The following RYR2 variants were observed in gnomAD, a reference collection of about 807,000 sequenced individuals.
RYR2 encodes ryanodine receptor 2.
In RYR2, 227 loss-of-function variants were observed where a neutral mutation model predicts 601.1. The ratio of observed to expected loss-of-function variants is 0.38; its 90% CI spans 0.34 to 0.42. The LOEUF (loss-of-function observed/expected upper bound fraction) is 0.42, where lower values mean the gene tolerates loss of function less well. Ranked by LOEUF, RYR2 falls within the 10% of genes least tolerant of loss-of-function variation. The pLI, the probability that RYR2 is intolerant of heterozygous loss-of-function variation, is 1.00. For synonymous variants in RYR2, 2,223 were observed against 2,175.1 expected (o/e 1.02, Z -0.61); for missense variants, 4,646 against 6,156.5 (o/e 0.75, Z 8.21).
chr1:237,685,035 A>G (rs1686258562), intron 62 of RYR2, among the ~76,000 whole-genome samples: 1 of 152,124 alleles, frequency 6.6e-6, no homozygotes, highest in Admixed American at 6.6e-5. Flanking sequence ...CAAAAAAGAA[A>G]AGGTTATTAT....
chr1:237,193,718 G>T (rs576086681), intron 1 of RYR2, among the ~76,000 whole-genome samples: 1 of 152,234 alleles, frequency 6.6e-6, no homozygotes, highest in Admixed American at 6.5e-5. Context: ...AAAAACTCTG[G>T]AAACGAGTTG....
chr1:237,172,947 C>A (rs1231463027), intron 1 of RYR2, among the ~76,000 whole-genome samples: 2 of 152,130 alleles, frequency 1.3e-5, no homozygotes, highest in African/African-American at 4.8e-5. Flanking sequence ...TATCGAATGA[C>A]AGAACTTGTT....
At chr1:237,331,651 T>C (rs933099774) in intron 3 of RYR2, among the ~76,000 whole-genome samples, 4 of 150,536 alleles carry the variant, frequency 2.7e-5, no homozygotes, top group Admixed American at 6.6e-5. Context: ...TACAGGCTCC[T>C]GCCACCACCA....
chr1:237,064,806 A>C (rs1663350403), intron 1 of RYR2, among the ~76,000 whole-genome samples: 1 of 133,192 alleles, frequency 7.5e-6, no homozygotes, highest in Non-Finnish European at 1.5e-5. Flanking sequence ...TTGATTGTGA[A>C]ATCTCAATTC....
intron 27 of RYR2, among the ~76,000 whole-genome samples, chr1:237,562,028 G>C (rs1671509323): frequency 6.6e-6 from 1 of 151,784 alleles, no homozygotes; most frequent in African/African-American, 2.4e-5. Flanking sequence ...AAAAGTCAAG[G>C]GCATAAAAAG....
intron 27 of RYR2, among the ~76,000 whole-genome samples, chr1:237,564,948 A>T (rs1035956152): frequency 1.8e-4 from 28 of 152,148 alleles, no homozygotes; most frequent in Non-Finnish European, 1.3e-4. Context: ...CTGTATGTTT[A>T]TTGGCAACCT....
intron 1 of RYR2, among the ~76,000 whole-genome samples, chr1:237,085,384 G>A (rs1666202893): frequency 6.6e-6 from 1 of 152,144 alleles, no homozygotes; most frequent in African/African-American, 2.4e-5. Flanking sequence ...CTTGTCTTTT[G>A]GAGTCCCTTC....
chr1:237,468,704 C>G (rs1660352442), intron 16 of RYR2, among the ~76,000 whole-genome samples: 1 of 151,984 alleles, frequency 6.6e-6, no homozygotes, highest in Non-Finnish European at 1.5e-5. Context: ...TCTTTTTATT[C>G]TATAGGTAAG....
intron 55 of RYR2, 143 bp downstream of exon 55, chr1:237,660,217 A>G: frequency 4.5e-6 from 2 of 439,724 alleles, no homozygotes; most frequent in Non-Finnish European, 7.6e-6. Flanking sequence ...TAAAAAAAAA[A>G]CCTTCTTATA....
intron 10 of RYR2, among the ~76,000 whole-genome samples, chr1:237,405,694 AG>A (rs763560745): frequency 3.3e-5 from 5 of 151,988 alleles, no homozygotes; most frequent in Non-Finnish European, 7.4e-5. Context: ...GAAGGATTTT[AG>A]GTCCTATTGA....
chr1:237,720,654 G>T (rs999884892), intron 73 of RYR2, among the ~76,000 whole-genome samples: 3 of 152,200 alleles, frequency 2.0e-5, no homozygotes, highest in Non-Finnish European at 4.4e-5. Context: ...GAGAAGATCA[G>T]GTACCCCATG....
rs574296183 is a variant in RYR2, at chr1:237,569,005, A to G, written c.3424-140A>G. On this transcript the variant is annotated intron_variant, in intron 28 of 104. Transcript: ENST00000366574. ...AGCTCCATTTTGCTTAGGACATTGC[A>G]GTAGACCGATATGCCAGCTGGAGTT... 1.3e-5 allele frequency: 8 copies of G among 606,202 alleles called. No homozygotes were observed. In the East Asian group the frequency reaches 1.4e-4, roughly 11 times the overall value. The allele number at this position is 606,202 out of a possible 1,614,324, so 37.6% of individuals were successfully genotyped here.
At chr1:237,565,175 CTTTCTTTCTTTCTTTCT>C (rs1671891762) in intron 27 of RYR2, among the ~76,000 whole-genome samples, 1 of 97,304 alleles carries the variant, frequency 1.0e-5, no homozygotes, top group Non-Finnish European at 2.2e-5. Context: ...TTCTTTCTTT[CTTTCTTTCTTTCTTTCT>C]TTCTTTCTTT....
intron 2 of RYR2, among the ~76,000 whole-genome samples, chr1:237,280,781 GT>G (rs35115328): frequency 2.2e-3 from 320 of 143,616 alleles, no homozygotes; most frequent in African/African-American, 5.3e-3. Flanking sequence ...CTTCTTACTG[GT>G]TTTTTTTTTT....
intron 58 of RYR2, among the ~76,000 whole-genome samples, chr1:237,671,530 T>C (rs1684939030): frequency 6.6e-6 from 1 of 151,638 alleles, no homozygotes; most frequent in Non-Finnish European, 1.5e-5. Flanking sequence ...CGTGTGTGTG[T>C]GTGTGTGTGC....
chr1:237,264,091 G>GCGCACACACA (rs1553370915), intron 1 of RYR2, among the ~76,000 whole-genome samples: 1 of 147,412 alleles, frequency 6.8e-6, no homozygotes, highest in Non-Finnish European at 1.5e-5. Context: ...ACATGCACAT[G>GCGCACACACA]CACACACACA....
At position 237,400,175 on chromosome 1, in the gene RYR2, CAA is replaced by C. The variant is rs986175860; in HGVS notation, c.773+11995_773+11996del. 1.2e-3 allele frequency among the ~76,000 whole-genome samples: 189 copies of C among 152,236 alleles called. 1 individual carries two copies. The highest frequency in any genetic ancestry group is 4.3e-3 in the African/African-American group (180 of 41,524). ...AACTCTTACTATAGAGGAAACTAGA[CAA>C]AATGTTCAAGGGATTTTTATTATTT... On this transcript the variant is annotated intron_variant, in intron 10 of 104. Transcript: ENST00000366574.
Position 237,411,176 on chromosome 1 carries a change from C to G in RYR2, c.774-5873C>G, listed in dbSNP as rs532870610. ...ACTACAGCCCTAGCTAACAACTTGA[C>G]TGCAACCTCACAAGAGACTCCAAGG... On this transcript the variant is annotated intron_variant, in intron 10 of 104. Coordinates refer to ENST00000366574, the MANE Select transcript of RYR2 (RefSeq NM_001035.3). 5.3e-5 allele frequency among the ~76,000 whole-genome samples: 8 copies of G among 152,300 alleles called. No homozygotes were observed. The South Asian group carries it at 1.7e-3, about 32-fold the overall frequency.
In RYR2 at chr1:237,059,406, G is replaced by C. The variant is rs374901900; in HGVS notation, c.48+16837G>C. On this transcript the variant is annotated intron_variant, in intron 1 of 104. Transcript: ENST00000366574. Reference sequence around the variant, plus strand: ...GAGATGAGTAATGACACCCTCTTTTGCTTGTTGTTCATACCACCAGGAGTC... The same window carrying C: ...GAGATGAGTAATGACACCCTCTTTTCCTTGTTGTTCATACCACCAGGAGTC... Among the ~76,000 whole-genome samples the C allele has an allele frequency of 2.2e-4, 34 of 152,202 alleles. No individual in the cohort carries two copies. In the East Asian group the frequency reaches 3.1e-3, roughly 14 times the overall value.
Sources: gnomAD v4.1 joint callset for allele counts (sites outside exome capture counted in the v4.1 genomes callset) on GRCh38, gnomAD v4.1.1 for gene constraint, MANE v1.5 for transcripts, NCBI Gene and HGNC (gene_info 2026-07-23, HGNC 2026-07-21) for gene names.